The following SLC2A10 variants were observed in gnomAD, a reference collection of about 807,000 sequenced individuals.
SLC2A10 encodes the protein solute carrier family 2 member 10, also known as solute carrier family 2, facilitated glucose transporter member 10.
Under a neutral mutation model 32.1 loss-of-function variants are expected in SLC2A10, and 25 were observed. The observed-to-expected ratio is 0.78, with a 90% CI of 0.57 to 1.09. The LOEUF is 1.09. Among genes scored for constraint, SLC2A10 ranks in the 50% least tolerant of loss-of-function variants. The pLI is 0.00. For missense variants in SLC2A10, 673 were observed against 686.5 expected (o/e 0.98, Z 0.22); for synonymous variants, 332 against 309.6 (o/e 1.07, Z -0.76).
chr20:46,724,897 GATGGATGGT>G, intron 1 of SLC2A10, 135 bp from the exon 2 acceptor site: 1 of 1,003,278 alleles, frequency 1.0e-6, no homozygotes, highest in Non-Finnish European at 1.5e-6. Flanking sequence ...TGGATGGATG[GATGGATGGT>G]TTGAATGGAT....
At chr20:46,718,261 T>C (rs1467824354) in intron 1 of SLC2A10, among the ~76,000 whole-genome samples, 1 of 152,198 alleles carries the variant, frequency 6.6e-6, no homozygotes, top group African/African-American at 2.4e-5. Context: ...TTCTTTTTCC[T>C]GTGTCTGTTC....
rs1221057960 is a variant in SLC2A10 at position 46,736,029 on chromosome 20, A to G, written c.*2195A>G. 6.6e-6 allele frequency: 1 copy of G among 152,208 alleles called. No homozygotes were observed. Among genetic ancestry groups the G allele is most frequent in the Admixed American group, 6.5e-5 (1 of 15,286 alleles). The allele number at this position is 152,208 out of a possible 1,614,324, so 9.4% of individuals were successfully genotyped here. A position where few individuals can be genotyped will look rare whatever the true frequency, so the allele number is the denominator to read the frequency against. ...TTTATTTGTAGTCTAATTTTGTCAA[A>G]TCATGGCCAAATCGCAGTGATAGTT... On this transcript the variant is annotated 3_prime_UTR_variant, in exon 5 of 5. Coordinates refer to ENST00000359271, the MANE Select transcript of SLC2A10 (RefSeq NM_030777.4).
intron 4 of SLC2A10, among the ~76,000 whole-genome samples, chr20:46,731,000 T>A (rs1245541649): frequency 6.6e-6 from 1 of 152,162 alleles, no homozygotes; most frequent in African/African-American, 2.4e-5. Context: ...TGTGACCCAG[T>A]CCTCCCCACC....
chr20:46,718,530 G>A (rs1979379944), intron 1 of SLC2A10, among the ~76,000 whole-genome samples: 1 of 151,876 alleles, frequency 6.6e-6, no homozygotes, highest in Admixed American at 6.6e-5. Context: ...TTACTCTCAG[G>A]TTCTTTTGGG....
chr20:46,728,106 G>C (rs994049334), intron 3 of SLC2A10, among the ~76,000 whole-genome samples: 4 of 152,174 alleles, frequency 2.6e-5, no homozygotes, highest in Admixed American at 1.3e-4. Context: ...AAGGAAGGGA[G>C]GGAGGGAGGA....
Position 46,725,180 on chromosome 20 carries a change from G to T in SLC2A10, c.144G>T (p.Glu48Asp), listed in dbSNP as rs375145963. 1 of 1,614,200 alleles carries T rather than the reference G, an allele frequency of 6.2e-7. No individual in the cohort carries two copies. The highest frequency in any genetic ancestry group is 8.5e-7 in the Non-Finnish European group (1 of 1,180,022). The change falls in exon 2 of 5, where the codon GAG (glutamate) becomes GAT (aspartate). Residue 48 changes from glutamate (E) to aspartate (D), a missense_variant. Physicochemically the swap from Glu to Asp is conservative, Grantham distance 45 (BLOSUM62 2). Transcript: ENST00000359271. ...TTGGGCTAAGCTGCTTGGAGCAGGA[G>T]TTCCTGGTGGGCAGCCTGCTCCTGG... ...LDFGLSCLEQEFLVGSLLLGA... is the reference protein window; with the variant it reads ...LDFGLSCLEQDFLVGSLLLGA...
chr20:46,726,405 A>G, intron 2 of SLC2A10, 81 bp downstream of exon 2: 1 of 1,550,394 alleles, frequency 6.4e-7, no homozygotes, highest in Non-Finnish European at 8.7e-7. Flanking sequence ...CACCCTGATG[A>G]CCTGGCAGGG....
At chr20:46,710,221 G>A in intron 1 of SLC2A10, 2 of 408,068 alleles carry the variant, frequency 4.9e-6, no homozygotes, top group Non-Finnish European at 8.6e-6. Flanking sequence ...GCAGAGAGGG[G>A]ACAGAGAAGG....
chr20:46,726,770 A>C, intron 2 of SLC2A10, 94 bp from the exon 3 acceptor site: 1 of 1,544,102 alleles, frequency 6.5e-7, no homozygotes, highest in Non-Finnish European at 8.9e-7. Context: ...TGACACTAGA[A>C]AATCCCATTG....
intron 1 of SLC2A10, among the ~76,000 whole-genome samples, chr20:46,710,668 T>G (rs1978856359): frequency 6.6e-6 from 1 of 152,182 alleles, no homozygotes; most frequent in African/African-American, 2.4e-5. Flanking sequence ...GCAGCAACAG[T>G]GCAAAGGCCC....
intron 1 of SLC2A10, among the ~76,000 whole-genome samples, chr20:46,720,682 G>A (rs1006842873): frequency 1.2e-4 from 19 of 152,264 alleles, no homozygotes; most frequent in African/African-American, 3.4e-4. Context: ...GTGCTCGCTC[G>A]TCATGTACTC....
intron 1 of SLC2A10, 156 bp downstream of exon 1, chr20:46,709,896 C>A: frequency 2.5e-6 from 2 of 790,772 alleles, no homozygotes; most frequent in Non-Finnish European, 4.0e-6. Context: ...AGACTGCAGG[C>A]CTGCGGCGGG....
intron 1 of SLC2A10, among the ~76,000 whole-genome samples, chr20:46,714,894 T>C (rs1979141318): frequency 6.6e-6 from 1 of 151,928 alleles, no homozygotes; most frequent in Non-Finnish European, 1.5e-5. Context: ...TCCCTTGGGG[T>C]TTTCCTGAGA....
At chr20:46,710,374 A>G (rs896817885) in intron 1 of SLC2A10, 2 of 254,192 alleles carry the variant, frequency 7.9e-6, no homozygotes, top group South Asian at 1.7e-4. Context: ...TACGTGCCAG[A>G]CATTGATATA....
chr20:46,724,682 G>GGATGGATA (rs1203079276), intron 1 of SLC2A10, among the ~76,000 whole-genome samples: 1 of 151,312 alleles, frequency 6.6e-6, no homozygotes, highest in Non-Finnish European at 1.5e-5. Flanking sequence ...TGGTTGGAGT[G>GGATGGATA]GATGGATAGA....
At chr20:46,726,381 G>A (rs1979964127) in intron 2 of SLC2A10, 57 bp downstream of exon 2, 2 of 1,584,646 alleles carry the variant, frequency 1.3e-6, no homozygotes, top group Non-Finnish European at 1.7e-6. Flanking sequence ...CTAGGGGGAA[G>A]TTTGGGGACT....
chr20:46,718,358 A>G (rs867727238), intron 1 of SLC2A10, among the ~76,000 whole-genome samples: 8 of 152,034 alleles, frequency 5.3e-5, no homozygotes, highest in African/African-American at 1.9e-4. Context: ...CTGTTTTCTT[A>G]TCCATGTCAA....
intron 1 of SLC2A10, chr20:46,710,495 G>A (rs1363804591): frequency 6.5e-6 from 1 of 153,528 alleles, no homozygotes; most frequent in Non-Finnish European, 1.4e-5. Flanking sequence ...TTCAGAGAGA[G>A]ATAAGGTGTT....
At chr20:46,718,343 A>G (rs1368769265) in intron 1 of SLC2A10, among the ~76,000 whole-genome samples, 1 of 152,160 alleles carries the variant, frequency 6.6e-6, no homozygotes, top group Non-Finnish European at 1.5e-5. Context: ...TTACCAAAGC[A>G]TTATCTGTTT....
Sources: allele counts gnomAD v4.1 joint callset (sites outside exome capture counted in the v4.1 genomes callset), GRCh38; gene constraint gnomAD v4.1.1; transcripts MANE v1.5; gene names NCBI Gene and HGNC (gene_info 2026-07-23, HGNC 2026-07-21).